YIPF4: variants seen among roughly 807,000 people sequenced by gnomAD.
YIPF4 encodes protein YIPF4.
In YIPF4, 18 loss-of-function variants were observed where a neutral mutation model predicts 29.4. That is an observed-to-expected ratio of 0.61 (90% CI 0.42 to 0.91). The LOEUF (loss-of-function observed/expected upper bound fraction) is 0.91. Ranked by LOEUF, YIPF4 falls within the 40% of genes least tolerant of loss-of-function variation. The probability of loss-of-function intolerance (pLI) is 0.00; values close to 1 mark genes in which losing one functional copy is unlikely to be tolerated. For missense variants in YIPF4, 279 were observed against 282.7 expected, an observed-to-expected ratio of 0.99 and a Z score of 0.09; for synonymous variants, 115 against 104.7, an observed-to-expected ratio of 1.10 and a Z score of -0.60.
chr2:32,301,580 T>TA, intron 5 of YIPF4, 85 bp downstream of exon 5: 2 of 855,576 alleles, frequency 2.3e-6, no homozygotes, highest in Non-Finnish European at 3.6e-6. Context: ...TATTGTGATA[T>TA]AAAACTCTTT....
chr2:32,294,547 A>T (rs1310521612), intron 3 of YIPF4, among the ~76,000 whole-genome samples: 2 of 135,202 alleles, frequency 1.5e-5, no homozygotes, highest in Non-Finnish European at 3.1e-5. Context: ...CCTAGATGGG[A>T]TGGCGGCCGG....
intron 1 of YIPF4, among the ~76,000 whole-genome samples, chr2:32,283,958 G>T (rs978766710): frequency 6.6e-6 from 1 of 152,086 alleles, no homozygotes; most frequent in Admixed American, 6.5e-5. Flanking sequence ...GACCTCAAGT[G>T]ATCCGCCCAC....
At chr2:32,279,024 G>T (rs2030249960) in intron 1 of YIPF4, among the ~76,000 whole-genome samples, 1 of 151,362 alleles carries the variant, frequency 6.6e-6, no homozygotes, top group South Asian at 2.1e-4. Context: ...CTGGAGTGCA[G>T]TGGCGCGATC....
In YIPF4 at chr2:32,314,337, G is replaced by T. The variant is rs745846006; in HGVS notation, c.*8711G>T. 5 of 152,186 alleles carry T rather than the reference G, an allele frequency of 3.3e-5. No homozygotes were observed. Among genetic ancestry groups the T allele is most frequent in the Admixed American group, 3.3e-4 (5 of 15,260 alleles). 9.4% of individuals were successfully genotyped at this position (152,186 alleles called of 1,614,324 possible). ...CAAACACAGGCAAAATTAAGCTATAGTGTTTAGGGATGCATACTGAAATGC... is the reference window on the plus strand; with the variant it reads ...CAAACACAGGCAAAATTAAGCTATATTGTTTAGGGATGCATACTGAAATGC... On this transcript the variant is annotated 3_prime_UTR_variant, in exon 6 of 6. Transcript: ENST00000238831.
At chr2:32,286,759 T>G (rs2030690719) in intron 1 of YIPF4, among the ~76,000 whole-genome samples, 1 of 152,078 alleles carries the variant, frequency 6.6e-6, no homozygotes, top group Admixed American at 6.6e-5. Context: ...TTGGCCAGGA[T>G]TGTCTCGATC....
chr2:32,281,572 C>G (rs2030415668), intron 1 of YIPF4, among the ~76,000 whole-genome samples: 1 of 152,192 alleles, frequency 6.6e-6, no homozygotes, highest in East Asian at 1.9e-4. Flanking sequence ...TCCCAGTGAG[C>G]TTTATTATTC....
At chr2:32,297,438 G>A (rs1325981146) in intron 3 of YIPF4, among the ~76,000 whole-genome samples, 2 of 151,844 alleles carry the variant, frequency 1.3e-5, no homozygotes, top group Admixed American at 6.6e-5. Context: ...TCTTTAAGAA[G>A]TCCTACTTCC....
In YIPF4 at chr2:32,299,131, C is replaced by T. The variant is rs115382444; in HGVS notation, c.483+820C>T. The stretch of plus-strand genomic sequence containing the variant: ...GATCTCAAGTGATCTGCCTCAGCCT[C>T]GCAAAGTGCTAGGATTACCGGTGTG... On this transcript the variant is annotated intron_variant, in intron 4 of 5. Coordinates refer to ENST00000238831, the MANE Select transcript of YIPF4 (RefSeq NM_032312.4). Among the ~76,000 whole-genome samples the T allele has an allele frequency of 3.1e-3, 471 of 152,224 alleles. 2 individuals carry two copies. Among genetic ancestry groups the T allele is most frequent in the African/African-American group, 0.011 (456 of 41,530 alleles).
chr2:32,299,938 GC>G (rs1047724711), intron 4 of YIPF4, among the ~76,000 whole-genome samples: 1 of 151,174 alleles, frequency 6.6e-6, no homozygotes, highest in African/African-American at 2.4e-5. Flanking sequence ...TTTTGTTTTA[GC>G]CTGGCCAGTG....
In YIPF4 at chr2:32,277,924, A is replaced by G; in HGVS notation, c.-232A>G. On this transcript the variant is annotated 5_prime_UTR_variant, in exon 1 of 6. Transcript: ENST00000238831. ...CCGCTGTCACTGTTATGGTCCTGTC[A>G]GGGTGCCGGCGTCGTGGTGCTTGGG... 1 of 523,180 alleles carries G rather than the reference A, an allele frequency of 1.9e-6. No homozygotes were observed. The highest frequency in any genetic ancestry group is 2.4e-5 in the South Asian group (1 of 41,930). The allele number at this position is 523,180 out of a possible 1,614,324, so 32.4% of individuals were successfully genotyped here. A position where few individuals can be genotyped will look rare whatever the true frequency, so the allele number is the denominator to read the frequency against.
At chr2:32,301,554 G>T in intron 5 of YIPF4, 59 bp downstream of exon 5, 1 of 1,157,750 alleles carries the variant, frequency 8.6e-7, no homozygotes, top group Non-Finnish European at 1.3e-6. Context: ...AAGTATACTA[G>T]GCCTCTAGCT....
intron 1 of YIPF4, among the ~76,000 whole-genome samples, chr2:32,279,055 C>T (rs1054883117): frequency 6.6e-5 from 10 of 151,678 alleles, no homozygotes; most frequent in Non-Finnish European, 1.3e-4. Flanking sequence ...GCAAGCTCCG[C>T]CTCCCGGGTT....
rs2031565635 is a variant in YIPF4, at chr2:32,305,883, T to C, written c.*257T>C. 1 of 1,082,802 alleles carries C rather than the reference T, an allele frequency of 9.2e-7. No individual in the cohort carries two copies. The highest frequency in any genetic ancestry group is 4.4e-5 in the South Asian group (1 of 22,648). 67.1% of individuals were successfully genotyped at this position (1,082,802 alleles called of 1,614,324 possible). ...GTGAATAAAATACAAAAGCATTGTG[T>C]TTTTAAGATTGTGTCGATATTCACC... is the stretch of plus-strand genomic sequence containing the variant. On this transcript the variant is annotated 3_prime_UTR_variant, in exon 6 of 6. Transcript: ENST00000238831.
In YIPF4 at chr2:32,305,640, T is replaced by C. The variant is rs767379372; in HGVS notation, c.*14T>C. On this transcript the variant is annotated 3_prime_UTR_variant, in exon 6 of 6. Coordinates refer to ENST00000238831, the MANE Select transcript of YIPF4 (RefSeq NM_032312.4). ...ACTGGTGTGTGATCCAAGTTATACA[T>C]GAATAGAAAAAGATGGTGTTAAATT... 3.2e-6 allele frequency: 5 copies of C among 1,556,800 alleles called. No homozygotes were observed. Among genetic ancestry groups the C allele is most frequent in the Non-Finnish European group, 2.6e-6 (3 of 1,155,224 alleles).
At position 32,313,272 on chromosome 2, in the gene YIPF4, A is replaced by G. The variant is rs2148970920; in HGVS notation, c.*7646A>G. 1 of 152,326 alleles carries G rather than the reference A, an allele frequency of 6.6e-6. No homozygotes were observed. Among genetic ancestry groups the G allele is most frequent in the East Asian group, 1.9e-4 (1 of 5,182 alleles). The allele number at this position is 152,326 out of a possible 1,614,324, so 9.4% of individuals were successfully genotyped here. A position where few individuals can be genotyped will look rare whatever the true frequency, so the allele number is the denominator to read the frequency against. On this transcript the variant is annotated 3_prime_UTR_variant, in exon 6 of 6. Coordinates refer to ENST00000238831, the MANE Select transcript of YIPF4 (RefSeq NM_032312.4). The stretch of plus-strand genomic sequence containing the variant: ...TGAGTTTGCTTGGGGAAAAAAATTT[A>G]AAAATATAAAAAGAAAACCAGTTTG...
At chr2:32,297,060 C>T (rs995783065) in intron 3 of YIPF4, among the ~76,000 whole-genome samples, 2 of 151,926 alleles carry the variant, frequency 1.3e-5, no homozygotes, top group African/African-American at 2.4e-5. Context: ...TTCCTTCTTA[C>T]TTCACACAGT....
intron 1 of YIPF4, among the ~76,000 whole-genome samples, chr2:32,285,157 T>G (rs1414390681): frequency 6.6e-6 from 1 of 152,072 alleles, no homozygotes; most frequent in Admixed American, 6.6e-5. Flanking sequence ...TTAAAAATAT[T>G]TAGAGGTAAA....
intron 1 of YIPF4, among the ~76,000 whole-genome samples, chr2:32,289,568 T>C (rs1050894095): frequency 6.6e-6 from 1 of 152,202 alleles, no homozygotes; most frequent in Admixed American, 6.5e-5. Context: ...TGATGGTTGT[T>C]TATTAATGTA....
rs576519346 is a variant in YIPF4, at chr2:32,302,021, TTTTC to T, written c.597+538_597+541del. 5.5e-3 allele frequency among the ~76,000 whole-genome samples: 797 copies of T among 144,608 alleles called. 8 individuals are homozygous for T. The highest frequency in any genetic ancestry group is 0.017 in the South Asian group (75 of 4,514). The allele number at this position is 144,608 out of a possible 152,430, so 94.9% of individuals were successfully genotyped here. ...CACCCGGCCTGGTCAGCATTTTTCT[TTTTC>T]TTTCTTTCTTTTTTTTTTTTTTTGA... On this transcript the variant is annotated intron_variant, in intron 5 of 5. Transcript: ENST00000238831.
Sources: allele counts gnomAD v4.1 joint callset (sites outside exome capture counted in the v4.1 genomes callset), GRCh38; gene constraint gnomAD v4.1.1; transcripts MANE v1.5; gene names NCBI Gene and HGNC (gene_info 2026-07-23, HGNC 2026-07-21).